The following NCKAP5 variants were observed in gnomAD, a reference collection of about 807,000 sequenced individuals.
The protein encoded by NCKAP5 is NCK associated protein 5, also known as nck-associated protein 5.
NCKAP5 carries 92 observed loss-of-function variants against 167.0 expected under a neutral mutation model. The ratio of observed to expected loss-of-function variants is 0.55; its 90% confidence interval spans 0.47 to 0.66. The LOEUF (loss-of-function observed/expected upper bound fraction) is 0.66. NCKAP5 is among the 30% of genes least tolerant of loss of function. The pLI is 0.00. For missense variants in NCKAP5, 2,378 were observed against 2,315.0 expected (o/e 1.03, Z -0.56); for synonymous variants, 891 against 877.4 (o/e 1.02, Z -0.27).
At chr2:133,135,063 C>T (rs1415277488) in intron 5 of NCKAP5, among the ~76,000 whole-genome samples, 1 of 152,090 alleles carries the variant, frequency 6.6e-6, no homozygotes, top group Non-Finnish European at 1.5e-5. Flanking sequence ...TTCCCGGCTT[C>T]GTTAGACTTA....
chr2:132,784,865 A>G lies in NCKAP5; in HGVS notation c.1946T>C (p.Phe649Ser), dbSNP rs769967882. 1 of 1,560,800 alleles carries G rather than the reference A, an allele frequency of 6.4e-7. No individual in the cohort carries two copies. Among genetic ancestry groups the G allele is most frequent in the African/African-American group, 1.4e-5 (1 of 72,970 alleles). Residue 649 changes from phenylalanine to serine, a missense_variant, in exon 14 of 20, where the codon TTT becomes TCT. By Grantham distance (155) the Phe-to-Ser change is radical. Transcript: ENST00000409261. ...AACTCTTTGCTGCTTAATGAAACTA[A>G]AAGTCTTTGGCCTAGTCTCTGAAGG... ...PIPSETRPKT[F>S]SFIKQQRVVK...
chr2:132,802,044 C>G (rs910907603), intron 11 of NCKAP5, among the ~76,000 whole-genome samples: 3 of 152,204 alleles, frequency 2.0e-5, no homozygotes, highest in Admixed American at 1.3e-4. Context: ...TCCCGAAGTG[C>G]TAGGATTACA....
chr2:133,079,041 C>T (rs1444235536), intron 6 of NCKAP5, among the ~76,000 whole-genome samples: 1 of 152,120 alleles, frequency 6.6e-6, no homozygotes, highest in East Asian at 1.9e-4. Flanking sequence ...TTGAACTAAG[C>T]AAGCTTTTAG....
chr2:133,076,628 G>A (rs2080612329), intron 6 of NCKAP5, among the ~76,000 whole-genome samples: 2 of 152,140 alleles, frequency 1.3e-5, no homozygotes, highest in African/African-American at 2.4e-5. Flanking sequence ...AACACTAGAG[G>A]TGGGCAGCCC....
At chr2:132,869,962 G>A (rs190998041) in intron 9 of NCKAP5, among the ~76,000 whole-genome samples, 1 of 152,062 alleles carries the variant, frequency 6.6e-6, no homozygotes. Context: ...ATTTTTTCAG[G>A]GATCTCATTT....
chr2:133,380,010 G>C (rs1329490339), intron 3 of NCKAP5, among the ~76,000 whole-genome samples: 1 of 152,126 alleles, frequency 6.6e-6, no homozygotes, highest in African/African-American at 2.4e-5. Context: ...AGAAATATGA[G>C]AGAGGGAAAA....
chr2:133,570,304 T>C, upstream of NCKAP5, among the ~76,000 whole-genome samples: 1 of 152,226 alleles, frequency 6.6e-6, no homozygotes, highest in South Asian at 2.1e-4. Context: ...GTTTCATTTT[T>C]GTTATTAGAA....
At chr2:133,397,591 C>G (rs531526291) in intron 3 of NCKAP5, among the ~76,000 whole-genome samples, 35 of 152,284 alleles carry the variant, frequency 2.3e-4, no homozygotes, top group African/African-American at 8.4e-4. Flanking sequence ...AGAAAAGACA[C>G]AGATGTGTTT....
intron 4 of NCKAP5, among the ~76,000 whole-genome samples, chr2:133,270,222 T>C (rs1466143442): frequency 6.6e-6 from 1 of 152,110 alleles, no homozygotes; most frequent in African/African-American, 2.4e-5. Context: ...GTACCATGAT[T>C]GTGGTGGTAG....
chr2:133,249,296 G>A (rs2150329511), intron 4 of NCKAP5, among the ~76,000 whole-genome samples: 1 of 152,284 alleles, frequency 6.6e-6, no homozygotes, highest in South Asian at 2.1e-4. Context: ...CAAAGCTTCA[G>A]AAAGAGATGT....
At chr2:132,884,736 GGA>G (rs1221332072) in intron 8 of NCKAP5, among the ~76,000 whole-genome samples, 1 of 152,110 alleles carries the variant, frequency 6.6e-6, no homozygotes, top group African/African-American at 2.4e-5. Flanking sequence ...GAGAGATAAA[GGA>G]GAGAACTGCA....
At chr2:132,698,714 G>A (rs931963511) in intron 19 of NCKAP5, among the ~76,000 whole-genome samples, 2 of 152,086 alleles carry the variant, frequency 1.3e-5, no homozygotes, top group African/African-American at 4.8e-5. Context: ...CGTGCCTGTA[G>A]TCCCAACTAC....
chr2:133,148,215 C>T (rs2083267984), intron 5 of NCKAP5, among the ~76,000 whole-genome samples: 1 of 152,034 alleles, frequency 6.6e-6, no homozygotes, highest in African/African-American at 2.4e-5. Context: ...TATAGGGTTA[C>T]GGGCAATATG....
At chr2:133,293,535 G>A (rs189446799) in intron 4 of NCKAP5, among the ~76,000 whole-genome samples, 167 of 152,274 alleles carry the variant, frequency 1.1e-3, no homozygotes, top group African/African-American at 3.8e-3. Context: ...AAAGGTTCTT[G>A]GAAGACAGTG....
intron 12 of NCKAP5, among the ~76,000 whole-genome samples, chr2:132,792,662 G>C (rs1684163987): frequency 6.6e-6 from 1 of 152,142 alleles, no homozygotes; most frequent in African/African-American, 2.4e-5. Context: ...CCACCAGGCT[G>C]TCCAGATCCA....
intron 5 of NCKAP5, among the ~76,000 whole-genome samples, chr2:133,177,281 C>T (rs1291806806): frequency 2.6e-5 from 4 of 151,734 alleles, no homozygotes; most frequent in African/African-American, 9.7e-5. Context: ...CTACAGAGTT[C>T]ACAGACATGG....
chr2:133,631,408 T>C, the NCKAP5 span, among the ~76,000 whole-genome samples: 1 of 152,252 alleles, frequency 6.6e-6, no homozygotes, highest in Non-Finnish European at 1.5e-5. Flanking sequence ...TGGGATGTTC[T>C]GTTTAATAAA....
intron 3 of NCKAP5, among the ~76,000 whole-genome samples, chr2:133,357,448 A>G (rs757712676): frequency 1.3e-5 from 2 of 152,224 alleles, no homozygotes; most frequent in Non-Finnish European, 2.9e-5. Flanking sequence ...GGAGTAAATC[A>G]GTCCCAAAAA....
At chr2:133,640,852 C>T in the NCKAP5 span, among the ~76,000 whole-genome samples, 1 of 152,206 alleles carries the variant, frequency 6.6e-6, no homozygotes, top group Non-Finnish European at 1.5e-5. Context: ...TGAACAACTG[C>T]TGTAAGTCAA....
Sources: allele counts gnomAD v4.1 joint callset (sites outside exome capture counted in the v4.1 genomes callset), GRCh38; gene constraint gnomAD v4.1.1; transcripts MANE v1.5; gene names NCBI Gene and HGNC (gene_info 2026-07-23, HGNC 2026-07-21).